Variants in NALCN observed in about 807,000 individuals in gnomAD.
NALCN encodes sodium leak channel NALCN.
A neutral mutation model predicts 225.3 loss-of-function variants in NALCN; 111 were observed. The ratio of observed to expected loss-of-function variants is 0.49; its 90% confidence interval spans 0.42 to 0.58. The LOEUF (loss-of-function observed/expected upper bound fraction) is 0.58. Among genes scored for constraint, NALCN ranks in the 20% least tolerant of loss-of-function variants. NALCN has a pLI of 0.00. For synonymous variants in NALCN, 764 were observed against 769.0 expected (o/e 0.99, Z 0.11); for missense variants, 1,378 against 2,202.4 (o/e 0.63, Z 7.49).
At chr13:101,337,313 TTTATTTA>T (rs1355707165) in intron 7 of NALCN, among the ~76,000 whole-genome samples, 3 of 150,280 alleles carry the variant, frequency 2.0e-5, no homozygotes, top group African/African-American at 7.5e-5. Context: ...TATTTATTTA[TTTATTTA>T]TTTTTTGAGA....
rs569063781 is a variant in NALCN, at chr13:101,213,776, T to C, written c.1626+15617A>G. ...CTCACACCAGTTAGAATGGCGATCA[T>C]TAAAAAGTCAGGAAACAACAGGTGC... On this transcript the variant is annotated intron_variant, in intron 13 of 43. Coordinates refer to ENST00000251127, the MANE Select transcript of NALCN (RefSeq NM_052867.4). Among the ~76,000 whole-genome samples, 5 of 152,218 alleles carry C rather than the reference T, an allele frequency of 3.3e-5. No individual in the cohort carries two copies. In the South Asian group the frequency reaches 1.0e-3, roughly 32 times the overall value.
At chr13:101,116,978 T>C (rs2035747823) in intron 18 of NALCN, 2 of 516,108 alleles carry the variant, frequency 3.9e-6, no homozygotes, top group South Asian at 2.8e-5. Context: ...CGGATGCTAA[T>C]GGGTGAGCTC....
intron 40 of NALCN, among the ~76,000 whole-genome samples, chr13:101,064,216 T>A (rs2032185000): frequency 6.6e-6 from 1 of 152,210 alleles, no homozygotes; most frequent in Non-Finnish European, 1.5e-5. Context: ...ATATTGCTAA[T>A]GCGACTGTGG....
At chr13:101,100,496 T>C (rs2034749220) in intron 27 of NALCN, among the ~76,000 whole-genome samples, 1 of 152,174 alleles carries the variant, frequency 6.6e-6, no homozygotes, top group South Asian at 2.1e-4. Context: ...AGAGAATTCT[T>C]AGGGTTTTAT....
chr13:101,253,101 C>G (rs759834290), intron 11 of NALCN, among the ~76,000 whole-genome samples: 1 of 151,868 alleles, frequency 6.6e-6, no homozygotes, highest in Non-Finnish European at 1.5e-5. Context: ...TCTCTTAGAT[C>G]ACAATGAAAA....
chr13:101,271,572 C>T (rs1193704545), intron 10 of NALCN, among the ~76,000 whole-genome samples: 1 of 151,826 alleles, frequency 6.6e-6, no homozygotes, highest in Non-Finnish European at 1.5e-5. Flanking sequence ...TTTATATTCC[C>T]CTGAGAAATT....
At chr13:101,178,835 T>G (rs531920625) in intron 14 of NALCN, among the ~76,000 whole-genome samples, 1 of 152,176 alleles carries the variant, frequency 6.6e-6, no homozygotes, top group East Asian at 1.9e-4. Flanking sequence ...AAGAGGGAGG[T>G]ATTTTCTGCC....
chr13:101,330,947 G>A (rs2045146381), intron 7 of NALCN, among the ~76,000 whole-genome samples: 1 of 152,222 alleles, frequency 6.6e-6, no homozygotes, highest in African/African-American at 2.4e-5. Flanking sequence ...CCCCAGCCAT[G>A]TGGAACTGTG....
At chr13:101,116,797 G>T (rs1344071825) in intron 18 of NALCN, 2 of 379,034 alleles carry the variant, frequency 5.3e-6, no homozygotes, top group African/African-American at 2.1e-5. Context: ...TCCAAGGTTG[G>T]TTAATGTAAT....
intron 15 of NALCN, among the ~76,000 whole-genome samples, chr13:101,155,323 G>A (rs2037851184): frequency 6.6e-6 from 1 of 152,134 alleles, no homozygotes; most frequent in East Asian, 1.9e-4. Context: ...AGCTCATCCT[G>A]GAAACCACAT....
intron 7 of NALCN, among the ~76,000 whole-genome samples, chr13:101,311,945 C>G (rs943748766): frequency 3.9e-5 from 6 of 152,040 alleles, no homozygotes. Flanking sequence ...GTACCAGTTC[C>G]TCCTTGTACC....
intron 10 of NALCN, among the ~76,000 whole-genome samples, chr13:101,265,419 GGGACTGAGTCCAACCTCAA>G (rs1332273412): frequency 6.6e-6 from 1 of 152,088 alleles, no homozygotes; most frequent in African/African-American, 2.4e-5. Context: ...CTGGAACAAT[GGGACTGAGTCCAACCTCAA>G]GCAGAACAAC....
chr13:101,182,676 T>C (rs77057146), intron 14 of NALCN, among the ~76,000 whole-genome samples: 1 of 152,238 alleles, frequency 6.6e-6, no homozygotes, highest in East Asian at 1.9e-4. Flanking sequence ...AAACTGTCCC[T>C]GGCATGTAGG....
At chr13:101,282,616 G>T (rs1329262670) in intron 10 of NALCN, among the ~76,000 whole-genome samples, 1 of 152,114 alleles carries the variant, frequency 6.6e-6, no homozygotes, top group Non-Finnish European at 1.5e-5. Context: ...TTGTATACAT[G>T]AGATTTGCTA....
intron 18 of NALCN, 92 bp downstream of exon 18, chr13:101,124,516 C>T (rs1594255938): frequency 9.2e-7 from 1 of 1,087,510 alleles, no homozygotes; most frequent in Middle Eastern, 2.1e-4. Flanking sequence ...TATGCTGATG[C>T]CCAGAACATT....
intron 18 of NALCN, among the ~76,000 whole-genome samples, chr13:101,120,390 T>C (rs767003890): frequency 1.3e-5 from 2 of 152,126 alleles, no homozygotes; most frequent in African/African-American, 2.4e-5. Flanking sequence ...ATCTGAACTA[T>C]AGACTGCTGG....
At chr13:101,388,771 C>T (rs975523644) in intron 3 of NALCN, among the ~76,000 whole-genome samples, 1 of 152,176 alleles carries the variant, frequency 6.6e-6, no homozygotes, top group African/African-American at 2.4e-5. Flanking sequence ...CTTGTAGGAA[C>T]ATGTCACTTA....
intron 17 of NALCN, among the ~76,000 whole-genome samples, chr13:101,138,617 A>C (rs2036917657): frequency 6.6e-6 from 1 of 152,202 alleles, no homozygotes; most frequent in Admixed American, 6.5e-5. Context: ...TGACATAAGA[A>C]ATGGTGCATC....
At chr13:101,330,690 T>G (rs2045135592) in intron 7 of NALCN, among the ~76,000 whole-genome samples, 1 of 152,220 alleles carries the variant, frequency 6.6e-6, no homozygotes, top group South Asian at 2.1e-4. Context: ...AAATGTCATC[T>G]TGAATTGTAG....
Sources: gnomAD v4.1 joint callset for allele counts (sites outside exome capture counted in the v4.1 genomes callset) on GRCh38, gnomAD v4.1.1 for gene constraint, MANE v1.5 for transcripts, NCBI Gene and HGNC (gene_info 2026-07-23, HGNC 2026-07-21) for gene names.